Variants in SCAPER observed in about 807,000 individuals in gnomAD.
SCAPER encodes the protein S-phase cyclin A associated protein in the ER.
A neutral mutation model predicts 182.2 loss-of-function variants in SCAPER; 98 were observed. The ratio of observed to expected loss-of-function variants is 0.54; its 90% CI spans 0.46 to 0.64. The LOEUF (loss-of-function observed/expected upper bound fraction) is 0.64, where lower values mean the gene tolerates loss of function less well. Among genes scored for constraint, SCAPER ranks in the 30% least tolerant of loss-of-function variants. The pLI, the probability that SCAPER is intolerant of heterozygous loss-of-function variation, is 0.00. For missense variants in SCAPER, 1,432 were observed against 1,690.0 expected (o/e 0.85, Z 2.68); for synonymous variants, 605 against 564.6 (o/e 1.07, Z -1.01).
chr15:76,681,326 C>T (rs1323837468), intron 20 of SCAPER, among the ~76,000 whole-genome samples: 1 of 152,106 alleles, frequency 6.6e-6, no homozygotes, highest in Non-Finnish European at 1.5e-5. Flanking sequence ...AATACTGTGT[C>T]CACTTAAAAA....
At chr15:76,478,267 T>C (rs2050818964) in intron 24 of SCAPER, among the ~76,000 whole-genome samples, 1 of 152,052 alleles carries the variant, frequency 6.6e-6, no homozygotes, top group East Asian at 1.9e-4. Context: ...TTTCATCTTT[T>C]AAAAATAACT....
intron 13 of SCAPER, 110 bp from the exon 14 acceptor site, chr15:76,765,182 C>T (rs2063035803): frequency 9.4e-7 from 1 of 1,061,904 alleles, no homozygotes; most frequent in Admixed American, 2.8e-5. Flanking sequence ...TAATTTTGGC[C>T]CAACATTTCG....
chr15:76,558,474 A>T (rs1403890567), intron 23 of SCAPER, among the ~76,000 whole-genome samples: 3 of 152,230 alleles, frequency 2.0e-5, no homozygotes, highest in Non-Finnish European at 2.9e-5. Flanking sequence ...GTTACATGAG[A>T]CACCATCTCA....
chr15:76,455,878 T>C (rs191421230), intron 25 of SCAPER, among the ~76,000 whole-genome samples: 7 of 152,224 alleles, frequency 4.6e-5, no homozygotes, highest in East Asian at 1.9e-4. Flanking sequence ...CCTGTGTCCA[T>C]GTAATCTCAT....
chr15:76,792,151 T>A (rs1429064330), intron 8 of SCAPER, among the ~76,000 whole-genome samples: 3 of 150,874 alleles, frequency 2.0e-5, no homozygotes, highest in African/African-American at 4.9e-5. Flanking sequence ...CCAAAAAAAA[T>A]GATTTTAAAG....
chr15:76,788,330 A>G (rs959649739), intron 8 of SCAPER, among the ~76,000 whole-genome samples: 9 of 152,358 alleles, frequency 5.9e-5, no homozygotes, highest in African/African-American at 2.2e-4. Context: ...TTAAACAAGT[A>G]AACTACATGT....
In SCAPER at chr15:76,530,481, C is replaced by T. The variant is rs753722119; in HGVS notation, c.2839-25507G>A. ...AAATTATCTAAATGTGGTCTGAGAA[C>T]GAGAAAAATTTAAAGGCATCATGTA... On this transcript the variant is annotated intron_variant, in intron 23 of 31. Transcript: ENST00000563290. 3.3e-5 allele frequency among the ~76,000 whole-genome samples: 5 copies of T among 152,120 alleles called. No individual in the cohort carries two copies. The South Asian group carries it at 6.2e-4, about 19-fold the overall frequency.
At chr15:76,555,543 T>C (rs888190625) in intron 23 of SCAPER, among the ~76,000 whole-genome samples, 10 of 152,118 alleles carry the variant, frequency 6.6e-5, no homozygotes, top group Non-Finnish European at 1.3e-4. Context: ...GAGAAAAATC[T>C]ACCAACCAAG....
At chr15:76,406,005 C>T (rs1330777052) in intron 26 of SCAPER, among the ~76,000 whole-genome samples, 4 of 152,108 alleles carry the variant, frequency 2.6e-5, no homozygotes, top group Non-Finnish European at 5.9e-5. Flanking sequence ...GGCTACTGAG[C>T]ACTCCTACAG....
intron 5 of SCAPER, among the ~76,000 whole-genome samples, chr15:76,833,956 A>AAAATTAAC (rs1407416956): frequency 2.0e-5 from 3 of 152,230 alleles, no homozygotes; most frequent in African/African-American, 4.8e-5. Flanking sequence ...ATCAAGGTAG[A>AAAATTAAC]AAATTAACAA....
chr15:76,759,304 C>G (rs1334541238), intron 14 of SCAPER, among the ~76,000 whole-genome samples: 1 of 152,080 alleles, frequency 6.6e-6, no homozygotes, highest in Admixed American at 6.6e-5. Context: ...TATAATAGTT[C>G]TGGAGACTGG....
At chr15:76,570,241 C>A (rs529358184) in intron 23 of SCAPER, among the ~76,000 whole-genome samples, 1 of 152,240 alleles carries the variant, frequency 6.6e-6, no homozygotes, top group African/African-American at 2.4e-5. Context: ...TTTTTCCTTG[C>A]ACAGTCCTTT....
chr15:76,414,906 A>G (rs8039545), intron 26 of SCAPER, among the ~76,000 whole-genome samples: 60,605 of 152,038 alleles, frequency 0.4, 14,384 homozygotes, highest in Middle Eastern at 0.55. Flanking sequence ...AGTTTATTTG[A>G]TAGAATTTGC....
chr15:76,723,589 G>T (rs1306210872), intron 17 of SCAPER, among the ~76,000 whole-genome samples: 5 of 152,116 alleles, frequency 3.3e-5, no homozygotes, highest in African/African-American at 1.2e-4. Flanking sequence ...GGTCTCTAAG[G>T]ACTTGCTTTA....
At chr15:76,475,871 G>A (rs2050587959) in intron 24 of SCAPER, among the ~76,000 whole-genome samples, 1 of 152,106 alleles carries the variant, frequency 6.6e-6, no homozygotes, top group Admixed American at 6.5e-5. Context: ...TTTTGAATAG[G>A]TGATGATGAC....
Position 76,381,495 on chromosome 15 carries a change from G to C in SCAPER, c.3588C>G (p.Ile1196Met). ...TGGGACTGGCAGTGCTGGGGTCCAA[G>C]ATGGTGCCATGGAAGAGGACACAGT... ...MLYCVLFHGT[I>M]LDPSTASPKE... The change falls in exon 28 of 32, where the codon ATC (isoleucine) becomes ATG (methionine). Residue 1196 changes from isoleucine to methionine, a missense_variant. By Grantham distance (10) the Ile-to-Met change is conservative (BLOSUM62 1). Around this residue, in one of 5 missense-constraint regions of SCAPER, gnomAD observed 718 missense variants for 799.7 expected, o/e 0.90. Transcript: ENST00000563290. 6.2e-7 allele frequency: 1 copy of C among 1,613,698 alleles called. No homozygotes were observed. Among genetic ancestry groups the C allele is most frequent in the Middle Eastern group, 1.6e-4 (1 of 6,062 alleles).
chr15:76,630,482 G>A (rs1042986087), intron 21 of SCAPER, among the ~76,000 whole-genome samples: 15 of 152,134 alleles, frequency 9.9e-5, no homozygotes, highest in Non-Finnish European at 4.4e-5. Context: ...GTGTCCCAGA[G>A]ATTCTGGCAC....
intron 25 of SCAPER, among the ~76,000 whole-genome samples, chr15:76,466,765 T>G (rs533283913): frequency 1.2e-4 from 17 of 145,154 alleles, no homozygotes; most frequent in African/African-American, 3.5e-4. Context: ...TCTGAAAACT[T>G]TGGGGGGGAT....
intron 23 of SCAPER, among the ~76,000 whole-genome samples, chr15:76,531,694 A>T (rs1434732503): frequency 1.3e-5 from 2 of 152,154 alleles, no homozygotes; most frequent in East Asian, 1.9e-4. Context: ...GTTAATTATG[A>T]TTATTAGCCT....
Sources: gnomAD v4.1 joint callset for allele counts (sites outside exome capture counted in the v4.1 genomes callset) on GRCh38, gnomAD v4.1.1 for gene constraint, gnomAD v4.1.1 regional missense constraint, MANE v1.5 for transcripts, NCBI Gene and HGNC (gene_info 2026-07-23, HGNC 2026-07-21) for gene names.